Variants in BTAF1 observed in about 807,000 individuals in gnomAD.
BTAF1 encodes the protein TATA-binding protein-associated factor 172.
BTAF1 carries 38 observed loss-of-function variants against 227.1 expected under a neutral mutation model. That is an observed-to-expected ratio of 0.17 (90% CI 0.13 to 0.22). The LOEUF (loss-of-function observed/expected upper bound fraction) is 0.22, where lower values mean the gene tolerates loss of function less well. Among genes scored for constraint, BTAF1 ranks in the 10% least tolerant of loss-of-function variants. The probability of loss-of-function intolerance (pLI) is 1.00; values close to 1 mark genes in which losing one functional copy is unlikely to be tolerated. For missense variants in BTAF1, 1,598 were observed against 2,204.0 expected (o/e 0.73, Z 5.51); for synonymous variants, 742 against 751.9 (o/e 0.99, Z 0.21).
intron 15 of BTAF1, among the ~76,000 whole-genome samples, chr10:91,981,116 A>G (rs1289777987): frequency 1.3e-5 from 2 of 152,150 alleles, no homozygotes; most frequent in African/African-American, 4.8e-5. Context: ...CCTTGGATTA[A>G]CAGTGGTGAT....
chr10:91,997,755 A>G lies in BTAF1; in HGVS notation c.3660+4A>G, dbSNP rs1481466763. The G allele has an allele frequency of 6.2e-7, 1 of 1,612,364 alleles. No homozygotes were observed. Among genetic ancestry groups the G allele is most frequent in the Admixed American group, 1.7e-5 (1 of 59,944 alleles). On this transcript the variant is annotated splice_donor_region_variant and intron_variant, in intron 25 of 37. Coordinates refer to ENST00000265990, the MANE Select transcript of BTAF1 (RefSeq NM_003972.3). ...AATTAGACTCATGCCACTTGAGGTA[A>G]GTCAAAGATACTTGCTTTAAAGACA...
At chr10:91,953,510 TAAG>T (rs935193646) in intron 5 of BTAF1, among the ~76,000 whole-genome samples, 8 of 152,142 alleles carry the variant, frequency 5.3e-5, no homozygotes, top group African/African-American at 1.4e-4. Flanking sequence ...TAAAAAAAGT[TAAG>T]AAGCATATGT....
chr10:92,018,588 C>T (rs1040864301), intron 33 of BTAF1, among the ~76,000 whole-genome samples, 195 bp from the exon 34 acceptor site: 4 of 152,082 alleles, frequency 2.6e-5, no homozygotes, highest in East Asian at 1.9e-4. Context: ...TGTAAATGTC[C>T]GCATAGAAAC....
chr10:91,941,727 T>C (rs932928336), intron 3 of BTAF1, among the ~76,000 whole-genome samples: 5 of 152,246 alleles, frequency 3.3e-5, no homozygotes. Context: ...AATAAACTCA[T>C]GCTGTTACCT....
intron 3 of BTAF1, among the ~76,000 whole-genome samples, chr10:91,940,886 G>T (rs1844946262): frequency 6.6e-6 from 1 of 151,776 alleles, no homozygotes; most frequent in Non-Finnish European, 1.5e-5. Context: ...GTTTTGCTTT[G>T]TTGGCCAGGC....
intron 9 of BTAF1, 151 bp downstream of exon 9, chr10:91,959,305 A>G: frequency 7.0e-7 from 1 of 1,427,654 alleles, no homozygotes; most frequent in Non-Finnish European, 9.2e-7. Flanking sequence ...CAATGGATTG[A>G]AAAGTAGAGT....
intron 1 of BTAF1, among the ~76,000 whole-genome samples, chr10:91,928,911 A>C (rs558213414): frequency 6.6e-6 from 1 of 152,220 alleles, no homozygotes; most frequent in African/African-American, 2.4e-5. Context: ...CACGGCCTCA[A>C]GTGATCCTCC....
intron 14 of BTAF1, among the ~76,000 whole-genome samples, chr10:91,972,632 T>C (rs1564685124): frequency 1.3e-5 from 2 of 152,354 alleles, no homozygotes; most frequent in South Asian, 2.1e-4. Context: ...TTATCTGTTA[T>C]TGTATTCCTC....
At chr10:91,983,792 CT>C (rs1848219862) in intron 18 of BTAF1, among the ~76,000 whole-genome samples, 3 of 152,054 alleles carry the variant, frequency 2.0e-5, no homozygotes, top group Admixed American at 2.0e-4. Context: ...TTTATATCCA[CT>C]TTTACAGTAT....
intron 1 of BTAF1, among the ~76,000 whole-genome samples, 193 bp downstream of exon 1, chr10:91,924,283 A>G (rs143166011): frequency 3.2e-3 from 483 of 152,318 alleles, no homozygotes; most frequent in Middle Eastern, 0.01. Context: ...AATCGGTTCA[A>G]TAATGCCTTT....
intron 14 of BTAF1, among the ~76,000 whole-genome samples, chr10:91,971,905 T>C (rs944537134): frequency 6.6e-6 from 1 of 152,088 alleles, no homozygotes; most frequent in Admixed American, 6.6e-5. Context: ...GTTTACACCA[T>C]CCATAATTGA....
intron 4 of BTAF1, among the ~76,000 whole-genome samples, chr10:91,947,154 T>C (rs1235974133): frequency 6.6e-6 from 1 of 152,236 alleles, no homozygotes; most frequent in African/African-American, 2.4e-5. Flanking sequence ...GATTTACACA[T>C]ATTTTCTACT....
chr10:92,030,508 C>G lies in BTAF1; in HGVS notation c.*1575C>G, dbSNP rs1449514815. On this transcript the variant is annotated 3_prime_UTR_variant, in exon 38 of 38. Coordinates refer to ENST00000265990, the MANE Select transcript of BTAF1 (RefSeq NM_003972.3). ...TATTTGCTAGTTCCATAAACCAGCT[C>G]TTTAACATAGCTTATAGTAATTGAT... Among the ~76,000 whole-genome samples, 1 of 151,964 alleles carries G rather than the reference C, an allele frequency of 6.6e-6. No homozygotes were observed. Among genetic ancestry groups the G allele is most frequent in the East Asian group, 1.9e-4 (1 of 5,200 alleles).
intron 25 of BTAF1, among the ~76,000 whole-genome samples, chr10:92,000,579 T>C (rs1849453012): frequency 1.3e-5 from 2 of 152,100 alleles, no homozygotes; most frequent in Non-Finnish European, 2.9e-5. Flanking sequence ...TTTGTTTGAG[T>C]TGGAGTTTTG....
At chr10:91,992,847 C>A (rs1848893056) in intron 21 of BTAF1, among the ~76,000 whole-genome samples, 1 of 152,150 alleles carries the variant, frequency 6.6e-6, no homozygotes, top group Non-Finnish European at 1.5e-5. Flanking sequence ...CCACCTGTTA[C>A]ACCGTACAGT....
In BTAF1 at chr10:91,970,152, A is replaced by G. The variant is rs1280429186; in HGVS notation, c.1650+3395A>G. ...AATGAAGGCTTTGGTACTAGCCTTC[A>G]TTTCTTTATCATTTAATATGACTCT... On this transcript the variant is annotated intron_variant, in intron 14 of 37. Transcript: ENST00000265990. 4.0e-5 allele frequency among the ~76,000 whole-genome samples: 6 copies of G among 149,010 alleles called. No individual in the cohort carries two copies. The East Asian group carries it at 1.2e-3, about 29-fold the overall frequency.
At chr10:91,967,975 T>C (rs1847040478) in intron 14 of BTAF1, among the ~76,000 whole-genome samples, 2 of 152,186 alleles carry the variant, frequency 1.3e-5, no homozygotes, top group African/African-American at 4.8e-5. Flanking sequence ...TACCCACACA[T>C]AGTTCCCCTT....
At position 92,024,794 on chromosome 10, in the gene BTAF1, C is replaced by G; in HGVS notation, c.4902C>G (p.Ser1634=). 2.5e-6 allele frequency: 4 copies of G among 1,611,362 alleles called. No individual in the cohort carries two copies. Among genetic ancestry groups the G allele is most frequent in the Non-Finnish European group, 3.4e-6 (4 of 1,179,382 alleles). Residue 1634 remains serine (S), a synonymous_variant, in exon 35 of 38, where the codon TCC becomes TCG. Transcript: ENST00000265990. ...GCGGTTTGGGAAATGGCAGCACTTC[C>G]GAGAGTGGCACAGAGTCTGTTGTGG... The part of the protein sequence containing the change: ...LDCGLGNGST[S]ESGTESVVAQ...
At chr10:91,966,996 A>G (rs1846963057) in intron 14 of BTAF1, among the ~76,000 whole-genome samples, 1 of 152,146 alleles carries the variant, frequency 6.6e-6, no homozygotes. Flanking sequence ...TCCTCAGTAA[A>G]TGTTTGTTGA....
Sources: allele counts gnomAD v4.1 joint callset (sites outside exome capture counted in the v4.1 genomes callset), GRCh38; gene constraint gnomAD v4.1.1; transcripts MANE v1.5; gene names NCBI Gene and HGNC (gene_info 2026-07-23, HGNC 2026-07-21).